The following CCDC9 variants were observed in gnomAD, a reference collection of about 807,000 sequenced individuals.
CCDC9 encodes coiled-coil domain containing 9, also known as coiled-coil domain-containing protein 9.
In CCDC9, 52 loss-of-function variants were observed where a neutral mutation model predicts 65.6. The ratio of observed to expected loss-of-function variants is 0.79; its 90% CI spans 0.63 to 1.00. CCDC9 has a LOEUF of 1.00. CCDC9 is among the 50% of genes least tolerant of loss of function. The pLI is 0.00. For synonymous variants in CCDC9, 332 were observed against 280.3 expected (o/e 1.18, Z -1.84); for missense variants, 834 against 757.2 (o/e 1.10, Z -1.19).
chr19:47,266,855 C>G, intron 8 of CCDC9, 63 bp downstream of exon 8: 1 of 1,532,566 alleles, frequency 6.5e-7, no homozygotes, highest in South Asian at 1.2e-5. Context: ...ACTTCTAAGT[C>G]CTATGCCTCT....
chr19:47,274,128 C>T (rs2059141383), downstream of CCDC9: 2 of 343,262 alleles, frequency 5.8e-6, no homozygotes, highest in East Asian at 1.7e-4. Flanking sequence ...GAAAAGCTGA[C>T]CGTTGGGGAG....
chr19:47,264,583 C>G lies in CCDC9; in HGVS notation c.463-20C>G. Reference sequence around the variant, plus strand: ...AATAGTTCTCCCTGAAGCTGGGTGTCCCTATCTTTATCCCCCCAGGAGTGG... The same window carrying G: ...AATAGTTCTCCCTGAAGCTGGGTGTGCCTATCTTTATCCCCCCAGGAGTGG... On this transcript the variant is annotated intron_variant, in intron 5 of 11. Coordinates refer to ENST00000221922, the MANE Select transcript of CCDC9 (RefSeq NM_015603.3). The G allele has an allele frequency of 6.4e-7, 1 of 1,573,024 alleles. No individual in the cohort carries two copies. Among genetic ancestry groups the G allele is most frequent in the East Asian group, 2.3e-5 (1 of 42,666 alleles).
downstream of CCDC9, chr19:47,274,873 G>A: frequency 8.3e-7 from 1 of 1,210,914 alleles, no homozygotes; most frequent in Non-Finnish European, 1.0e-6. Flanking sequence ...GCCTGGTGGG[G>A]GCGGGGCCTG....
At chr19:47,259,857 G>A (rs2059033353) in intron 3 of CCDC9, among the ~76,000 whole-genome samples, 1 of 152,184 alleles carries the variant, frequency 6.6e-6, no homozygotes, top group South Asian at 2.1e-4. Context: ...CAGGGGAGCT[G>A]GTTTCCACAG....
rs957480474 is a variant in CCDC9 at position 47,271,754 on chromosome 19, C to T, written c.*76C>T. 433 of 950,298 alleles carry T rather than the reference C, an allele frequency of 4.6e-4. 4 individuals are homozygous for T. The East Asian group carries it at 7.5e-3, about 16-fold the overall frequency. The allele number at this position is 950,298 out of a possible 1,614,324, so 58.9% of individuals were successfully genotyped here. Reference sequence around the variant, plus strand: ...GTGTGCGCGCGCGCGCGCGCGCGCGCGCGCGCTAGAGGGGTGTGGCTGGTG... The same window carrying T: ...GTGTGCGCGCGCGCGCGCGCGCGCGTGCGCGCTAGAGGGGTGTGGCTGGTG... On this transcript the variant is annotated 3_prime_UTR_variant, in exon 12 of 12. Coordinates refer to ENST00000221922, the MANE Select transcript of CCDC9 (RefSeq NM_015603.3).
chr19:47,271,728 TGTGTGCGCGC>T lies in CCDC9; in HGVS notation c.*52_*61del, dbSNP rs1344617451. 635 of 913,732 alleles carry T rather than the reference TGTGTGCGCGC, an allele frequency of 6.9e-4. No homozygotes were observed. In the African/African-American group the frequency reaches 9.6e-3, roughly 14 times the overall value. 56.6% of individuals were successfully genotyped at this position (913,732 alleles called of 1,614,324 possible). A position where few individuals can be genotyped will look rare whatever the true frequency, so the allele number is the denominator to read the frequency against. On this transcript the variant is annotated 3_prime_UTR_variant, in exon 12 of 12. Transcript: ENST00000221922. ...GTGTGTGTGTGTGTGTGTGTGTGTG[TGTGTGCGCGC>T]GCGCGCGCGCGCGCGCGCGCGCTAG...
chr19:47,275,368 C>T (rs760503501), downstream of CCDC9: 2 of 1,532,290 alleles, frequency 1.3e-6, no homozygotes, highest in Non-Finnish European at 1.8e-6. Context: ...CCACCCCAAC[C>T]CGGATCGCCA....
downstream of CCDC9, among the ~76,000 whole-genome samples, chr19:47,272,569 C>T (rs1046128335): frequency 1.3e-5 from 2 of 152,036 alleles, no homozygotes; most frequent in Non-Finnish European, 2.9e-5. Context: ...CTGCAGTGAG[C>T]CGAGATCGCT....
downstream of CCDC9, among the ~76,000 whole-genome samples, chr19:47,273,140 G>A (rs1025946735): frequency 1.3e-5 from 2 of 152,156 alleles, no homozygotes; most frequent in African/African-American, 2.4e-5. Flanking sequence ...CCACACCCGC[G>A]TTTCCTCGAT....
intron 5 of CCDC9, among the ~76,000 whole-genome samples, chr19:47,263,873 T>A (rs2059062320): frequency 6.8e-6 from 1 of 147,888 alleles, no homozygotes; most frequent in Non-Finnish European, 1.5e-5. Flanking sequence ...CCGTTATTTT[T>A]ATTTTTATTT....
intron 3 of CCDC9, among the ~76,000 whole-genome samples, chr19:47,259,356 G>A (rs2059030521): frequency 6.6e-6 from 1 of 152,118 alleles, no homozygotes; most frequent in African/African-American, 2.4e-5. Context: ...GGACCGGTCA[G>A]AACAGCTCTT....
At chr19:47,262,210 CTT>C (rs60699350) in intron 5 of CCDC9, among the ~76,000 whole-genome samples, 32,550 of 111,370 alleles carry the variant, frequency 0.29, 4,097 homozygotes, top group East Asian at 0.52. Context: ...CAGGTTCCTG[CTT>C]TTTTTTTTTT....
downstream of CCDC9, chr19:47,275,029 T>C: frequency 6.7e-7 from 1 of 1,488,386 alleles, no homozygotes; most frequent in Admixed American, 2.3e-5. Context: ...TGCGCCTACT[T>C]CCTCTGCGTC....
chr19:47,273,593 C>G, downstream of CCDC9: 3 of 404,212 alleles, frequency 7.4e-6, no homozygotes, highest in Non-Finnish European at 8.6e-6. Flanking sequence ...GGTCTGCGAG[C>G]CGGGCGGGGC....
At chr19:47,273,780 G>A, downstream of CCDC9, 1 of 302,832 alleles carries the variant, frequency 3.3e-6, no homozygotes, top group Non-Finnish European at 5.9e-6. Context: ...CACTTCCGAA[G>A]GGCTTGAATT....
Position 47,260,751 on chromosome 19 carries a change from C to T in CCDC9, c.374C>T (p.Ala125Val), listed in dbSNP as rs995491239. Residue 125 changes from alanine (A) to valine (V), a missense_variant, in exon 5 of 12, where the codon GCT becomes GTT. Coordinates refer to ENST00000221922, the MANE Select transcript of CCDC9 (RefSeq NM_015603.3). ...SPGEQPRGGGAGGRGRRGRGR... is the reference protein window; with the variant it reads ...SPGEQPRGGGVGGRGRRGRGR... ...GGGGAGCAGCCTCGAGGAGGAGGAGCTGGGGGCCGTGGCCGGAGGGGCCGG... is the reference window on the plus strand; with the variant it reads ...GGGGAGCAGCCTCGAGGAGGAGGAGTTGGGGGCCGTGGCCGGAGGGGCCGG... 2 of 1,607,858 alleles carry T rather than the reference C, an allele frequency of 1.2e-6. No homozygotes were observed. The highest frequency in any genetic ancestry group is 8.5e-7 in the Non-Finnish European group (1 of 1,177,486).
rs2059110389 is a variant in CCDC9 at position 47,270,592 on chromosome 19, T to A, written c.989T>A (p.Phe330Tyr). 4.3e-6 allele frequency: 7 copies of A among 1,613,604 alleles called. No individual in the cohort carries two copies. The African/African-American group carries it at 5.3e-5, about 12-fold the overall frequency. Residue 330 changes from phenylalanine to tyrosine, a missense_variant, in exon 10 of 12, where the codon TTT (phenylalanine) becomes TAT (tyrosine). Coordinates refer to ENST00000221922, the MANE Select transcript of CCDC9 (RefSeq NM_015603.3). ...GCCCGGCCCCCGAAGCCCCCTACTT[T>A]TGGGGAGTTCCTGTCCCAGCACAAA... ...AWARPPKPPT[F>Y]GEFLSQHKAE... is the part of the protein sequence containing the mutation.
rs563689886 is a variant in CCDC9 at position 47,271,583 on chromosome 19, G to A, written c.1501G>A (p.Asp501Asn). ...ACCCAGCGGCCACCAGCCTGTGTCCGATTGGGGTGAAGAGGTGGAGCTGAA... is the reference window on the plus strand; with the variant it reads ...ACCCAGCGGCCACCAGCCTGTGTCCAATTGGGGTGAAGAGGTGGAGCTGAA... ...SPPSGHQPVS[D>N]WGEEVELNSP... The change falls in exon 12 of 12, where the codon GAT (aspartate) becomes AAT (asparagine). Residue 501 changes from aspartate to asparagine, a missense_variant. Physicochemically the swap from Asp to Asn is conservative, Grantham distance 23. Coordinates refer to ENST00000221922, the MANE Select transcript of CCDC9 (RefSeq NM_015603.3). 1.1e-5 allele frequency: 17 copies of A among 1,613,210 alleles called. No homozygotes were observed. Among genetic ancestry groups the A allele is most frequent in the African/African-American group, 5.3e-5 (4 of 75,012 alleles).
rs766120752 is a variant in CCDC9 at position 47,266,811 on chromosome 19, C to T, written c.902+19C>T. 8.8e-6 allele frequency: 14 copies of T among 1,593,318 alleles called. No individual in the cohort carries two copies. Among genetic ancestry groups the T allele is most frequent in the Middle Eastern group, 1.7e-4 (1 of 6,038 alleles). On this transcript the variant is annotated intron_variant, in intron 8 of 11. Coordinates refer to ENST00000221922, the MANE Select transcript of CCDC9 (RefSeq NM_015603.3). The stretch of plus-strand genomic sequence containing the variant: ...ATGGGATGTGAGTCTCCTCCCCGCT[C>T]CTCTCCCCATGTGGCACGTTGACCT...
Sources: gnomAD v4.1 joint callset for allele counts (sites outside exome capture counted in the v4.1 genomes callset) on GRCh38, gnomAD v4.1.1 for gene constraint, MANE v1.5 for transcripts, NCBI Gene and HGNC (gene_info 2026-07-23, HGNC 2026-07-21) for gene names.